Variants in SH3YL1 observed in about 807,000 individuals in gnomAD.
SH3YL1 encodes SH3 domain-containing YSC84-like protein 1.
In SH3YL1, 41 loss-of-function variants were observed where a neutral mutation model predicts 45.8. That is an observed-to-expected ratio of 0.89 (90% CI 0.70 to 1.16). The LOEUF is 1.16. Among genes scored for constraint, SH3YL1 ranks in the 50% most tolerant of loss-of-function variants. The pLI, the probability that SH3YL1 is intolerant of heterozygous loss-of-function variation, is 0.00. For missense variants in SH3YL1, 389 were observed against 409.6 expected, an observed-to-expected ratio of 0.95 and a Z score of 0.43; for synonymous variants, 152 against 151.4, an observed-to-expected ratio of 1.00 and a Z score of -0.03.
At chr2:247,434 A>G (rs1668870595) in intron 4 of SH3YL1, 104 bp downstream of exon 4, 2 of 808,426 alleles carry the variant, frequency 2.5e-6, no homozygotes, top group East Asian at 2.9e-5. Flanking sequence ...CTAAGTGCCA[A>G]TGGTAACAAT....
chr2:257,054 C>CTTA (rs201360624), intron 1 of SH3YL1, among the ~76,000 whole-genome samples: 13 of 152,004 alleles, frequency 8.6e-5, no homozygotes, highest in South Asian at 8.3e-4. Flanking sequence ...CCTTTAACCA[C>CTTA]TTATTATTAT....
chr2:227,978 A>C (rs3791219), intron 8 of SH3YL1, among the ~76,000 whole-genome samples: 2 of 152,330 alleles, frequency 1.3e-5, no homozygotes, highest in East Asian at 3.9e-4. Flanking sequence ...GTCAGATTTA[A>C]CATAAAACAT....
intron 1 of SH3YL1, chr2:260,068 A>G (rs1012113052): frequency 1.3e-5 from 2 of 152,184 alleles, no homozygotes; most frequent in African/African-American, 4.8e-5. Flanking sequence ...AAAAGCATCT[A>G]TAACATTAAT....
intron 4 of SH3YL1, among the ~76,000 whole-genome samples, chr2:245,970 C>T (rs1208119965): frequency 2.0e-5 from 3 of 152,080 alleles, no homozygotes; most frequent in South Asian, 4.2e-4. Flanking sequence ...CCGAGGTGGG[C>T]GGATCACCTG....
intron 9 of SH3YL1, among the ~76,000 whole-genome samples, chr2:220,392 G>A (rs1009611565): frequency 4.6e-5 from 7 of 151,712 alleles, no homozygotes; most frequent in Admixed American, 6.6e-5. Flanking sequence ...AGATAATACT[G>A]GTATAACTAC....
chr2:229,105 T>C (rs928152069), intron 8 of SH3YL1, among the ~76,000 whole-genome samples: 3 of 152,182 alleles, frequency 2.0e-5, no homozygotes, highest in Non-Finnish European at 4.4e-5. Context: ...TGAAAGTCCC[T>C]ACTTCAATGT....
At chr2:223,990 C>A (rs1265123633) in intron 9 of SH3YL1, among the ~76,000 whole-genome samples, 1 of 152,222 alleles carries the variant, frequency 6.6e-6, no homozygotes, top group Non-Finnish European at 1.5e-5. Context: ...ACCTTTTCAA[C>A]ATATTTTTAT....
chr2:220,336 A>T (rs1354347568), intron 9 of SH3YL1, among the ~76,000 whole-genome samples: 2 of 152,108 alleles, frequency 1.3e-5, no homozygotes, highest in Non-Finnish European at 2.9e-5. Flanking sequence ...AGTATGTGCC[A>T]TTTAGTTGAG....
At position 247,611 on chromosome 2, in the gene SH3YL1, AAAAC is replaced by A. The variant is rs1456207990; in HGVS notation, c.227-13_227-10del. 24 of 1,548,616 alleles carry A rather than the reference AAAAC, an allele frequency of 1.5e-5. No homozygotes were observed. The highest frequency in any genetic ancestry group is 4.9e-5 in the East Asian group (2 of 40,888). ...TGAGGGTGCAGACCATTCTAATAAA[AAAAC>A]AAACGAACGTTATCCTAACATTAAA... On this transcript the variant is annotated splice_polypyrimidine_tract_variant and intron_variant, in intron 3 of 9. Transcript: ENST00000356150.
At chr2:247,784 T>A (rs1668895740) in intron 3 of SH3YL1, among the ~76,000 whole-genome samples, 182 bp from the exon 4 acceptor site, 1 of 152,258 alleles carries the variant, frequency 6.6e-6, no homozygotes, top group African/African-American at 2.4e-5. Flanking sequence ...TAAAAATATT[T>A]TTAAAGTATT....
intron 9 of SH3YL1, among the ~76,000 whole-genome samples, chr2:221,006 T>G (rs1667545960): frequency 6.6e-6 from 1 of 152,044 alleles, no homozygotes. Context: ...GATGTGCATC[T>G]GGGAAGAGCA....
At chr2:220,843 A>G (rs570094014) in intron 9 of SH3YL1, among the ~76,000 whole-genome samples, 1 of 152,346 alleles carries the variant, frequency 6.6e-6, no homozygotes, top group East Asian at 1.9e-4. Flanking sequence ...CACGTTAGAT[A>G]ATAGGAAGAA....
chr2:231,713 GT>G (rs1187251874), intron 6 of SH3YL1, among the ~76,000 whole-genome samples: 1 of 152,162 alleles, frequency 6.6e-6, no homozygotes, highest in Non-Finnish European at 1.5e-5. Flanking sequence ...CCAGGGTTTA[GT>G]TGAACTTTAG....
intron 1 of SH3YL1, among the ~76,000 whole-genome samples, chr2:258,697 G>A (rs986268437): frequency 6.6e-6 from 1 of 152,122 alleles, no homozygotes; most frequent in Non-Finnish European, 1.5e-5. Context: ...TATCCATCAA[G>A]GTGTGTCCCT....
intron 6 of SH3YL1, among the ~76,000 whole-genome samples, chr2:232,260 C>A (rs1351617151): frequency 6.7e-6 from 1 of 149,786 alleles, no homozygotes; most frequent in East Asian, 1.9e-4. Context: ...TTAAATCAAA[C>A]TGTATTTTAA....
chr2:246,106 A>G (rs1464423416), intron 4 of SH3YL1, among the ~76,000 whole-genome samples: 2 of 151,950 alleles, frequency 1.3e-5, no homozygotes, highest in Non-Finnish European at 2.9e-5. Context: ...GAGGCAGGAG[A>G]ATCGCTTGAA....
rs371032229 is a variant in SH3YL1, at chr2:234,226, G to T, written c.338C>A (p.Ala113Asp). 56 of 1,614,130 alleles carry T rather than the reference G, an allele frequency of 3.5e-5. No homozygotes were observed. The African/African-American group carries it at 6.4e-4, about 18-fold the overall frequency. The change falls in exon 5 of 10, where the codon GCT (alanine) becomes GAT (aspartate). Residue 113 changes from alanine to aspartate, a missense_variant. Ala to Asp is a moderately radical substitution (Grantham distance 126, BLOSUM62 -2). Coordinates refer to ENST00000356150, the MANE Select transcript of SH3YL1 (RefSeq NM_015677.4). ...GGTCAGATTTCCGCCTTTTGCAAAA[G>T]CTTCTACAGCACGGTCATAATTCAG... is the stretch of plus-strand genomic sequence containing the variant. Reference protein sequence around the residue: ...IILNYDRAVEAFAKGGNLTLG... With the variant: ...IILNYDRAVEDFAKGGNLTLG...
At chr2:237,320 A>G (rs2103032723) in intron 4 of SH3YL1, among the ~76,000 whole-genome samples, 1 of 152,130 alleles carries the variant, frequency 6.6e-6, no homozygotes, top group South Asian at 2.1e-4. Flanking sequence ...CTTTTGAAAT[A>G]AGAATAAGAG....
At chr2:229,855 T>TA in intron 8 of SH3YL1, 111 bp downstream of exon 8, 1 of 787,316 alleles carries the variant, frequency 1.3e-6, no homozygotes, top group Non-Finnish European at 2.1e-6. Context: ...CTTAAATATG[T>TA]TAGTTCTTCT....
Sources: allele counts gnomAD v4.1 joint callset (sites outside exome capture counted in the v4.1 genomes callset), GRCh38; gene constraint gnomAD v4.1.1; transcripts MANE v1.5; gene names NCBI Gene and HGNC (gene_info 2026-07-23, HGNC 2026-07-21).